PTPRQ: variants seen among roughly 807,000 people sequenced by gnomAD.
The protein encoded by PTPRQ is protein tyrosine phosphatase receptor type Q.
In PTPRQ, 199 loss-of-function variants were observed where a neutral mutation model predicts 246.0. The observed-to-expected ratio is 0.81, with a 90% CI of 0.72 to 0.91. The LOEUF (loss-of-function observed/expected upper bound fraction) is 0.91. PTPRQ is among the 40% of genes least tolerant of loss of function. PTPRQ has a pLI of 0.00. For missense variants in PTPRQ, 2,624 were observed against 2,528.4 expected (o/e 1.04, Z -0.81); for synonymous variants, 869 against 853.2 (o/e 1.02, Z -0.32).
chr12:80,456,857 T>C (rs1892998539), intron 3 of PTPRQ, among the ~76,000 whole-genome samples: 1 of 152,156 alleles, frequency 6.6e-6, no homozygotes, highest in African/African-American at 2.4e-5. Context: ...ATAACATAGA[T>C]ACATTATTAT....
At chr12:80,549,414 C>G (rs1896401552) in intron 24 of PTPRQ, 51 bp from the exon 25 acceptor site, 2 of 1,459,534 alleles carry the variant, frequency 1.4e-6, no homozygotes, top group Non-Finnish European at 1.8e-6. Context: ...AATCAATTAT[C>G]TACTTACATA....
chr12:80,672,308 CATGTAT>C (rs1900994752), intron 42 of PTPRQ, among the ~76,000 whole-genome samples: 1 of 150,636 alleles, frequency 6.6e-6, no homozygotes, highest in Non-Finnish European at 1.5e-5. Context: ...GGCTGTGTGG[CATGTAT>C]ATATATATAC....
intron 8 of PTPRQ, among the ~76,000 whole-genome samples, chr12:80,478,859 A>G (rs1482180643): frequency 1.6e-4 from 24 of 152,220 alleles, no homozygotes; most frequent in Admixed American, 1.1e-3. Context: ...AAAGCCTCCA[A>G]GAAATATGGG....
At position 80,541,777 on chromosome 12, in the gene PTPRQ, C is replaced by T; in HGVS notation, c.3377C>T (p.Thr1126Ile). Residue 1126 changes from threonine (T) to isoleucine (I), a missense_variant, in exon 21 of 45, where the codon ACT becomes ATT. Transcript: ENST00000644991. ...EKYTDYILKITPSTEKGFSDT... is the reference protein window; with the variant it reads ...EKYTDYILKIIPSTEKGFSDT... ...TACACTGATTATATATTAAAAATTA[C>T]TCCATCAACAGAAAAGGGATTCTCT... is the stretch of plus-strand genomic sequence containing the variant. 1.9e-6 allele frequency: 3 copies of T among 1,550,960 alleles called. No individual in the cohort carries two copies. The highest frequency in any genetic ancestry group is 2.6e-6 in the Non-Finnish European group (3 of 1,146,550).
In PTPRQ at chr12:80,484,563, A is replaced by G. The variant is rs1316419462; in HGVS notation, c.1317A>G (p.Thr439=). 6.5e-7 allele frequency: 1 copy of G among 1,550,174 alleles called. No individual in the cohort carries two copies. Among genetic ancestry groups the G allele is most frequent in the Non-Finnish European group, 8.7e-7 (1 of 1,146,640 alleles). The change falls in exon 9 of 45, where the codon ACA becomes ACG. Residue 439 remains threonine (T), a synonymous_variant. Transcript: ENST00000644991. ...GAGTGAAAGTGCTAGTTCCAGAGAC[A>G]GGAATAATTTTGGAAAATACTTTGC... is the stretch of plus-strand genomic sequence containing the variant. ...QYRVKVLVPE[T]GIILENTLLT... is the part of the protein sequence containing the mutation.
intron 25 of PTPRQ, among the ~76,000 whole-genome samples, chr12:80,570,426 GTTGT>G (rs200406659): frequency 0.048 from 7,295 of 152,124 alleles, 275 homozygotes; most frequent in East Asian, 0.14. Flanking sequence ...TTTTGATGGG[GTTGT>G]TTGTTTTTTT....
At position 80,484,171 on chromosome 12, in the gene PTPRQ, T is replaced by A. The variant is rs7311165; in HGVS notation, c.1187-262T>A. Among the ~76,000 whole-genome samples the A allele has an allele frequency of 0.065, 9,892 of 151,524 alleles. 852 individuals are homozygous for A. Among genetic ancestry groups the A allele is most frequent in the African/African-American group, 0.19 (7,809 of 41,352 alleles). On this transcript the variant is annotated intron_variant, in intron 8 of 44. Transcript: ENST00000644991. ...CAGGCACGCACCACCATGCCTGGCT[T>A]ATTTTTGTATTTTTTAGTAGAGATG...
chr12:80,539,944 A>T lies in PTPRQ; in HGVS notation c.3154A>T (p.Ile1052Leu). Residue 1052 changes from isoleucine to leucine, a missense_variant and splice_region_variant, in exon 20 of 45, where the codon ATA becomes TTA. By Grantham distance (5) the Ile-to-Leu change is conservative. Transcript: ENST00000644991. ...CATTGAAGTATACACAGATCAAGAC[A>T]GTATGTAAACAAAAAACACTAATCT... Reference protein sequence around the residue: ...DIIEVYTDQDIPEGFVGNLTY... With the variant: ...DIIEVYTDQDLPEGFVGNLTY... 6.7e-7 allele frequency: 1 copy of T among 1,489,660 alleles called. No homozygotes were observed. Among genetic ancestry groups the T allele is most frequent in the Non-Finnish European group, 8.9e-7 (1 of 1,120,412 alleles). 92.3% of individuals were successfully genotyped at this position (1,489,660 alleles called of 1,614,324 possible).
At chr12:80,559,757 A>T (rs974804233) in intron 25 of PTPRQ, among the ~76,000 whole-genome samples, 3 of 152,130 alleles carry the variant, frequency 2.0e-5, no homozygotes, top group African/African-American at 7.2e-5. Context: ...TTTCCAAATA[A>T]CCCCTAATTT....
intron 25 of PTPRQ, among the ~76,000 whole-genome samples, chr12:80,572,133 T>C (rs772984953): frequency 4.6e-5 from 7 of 152,212 alleles, no homozygotes; most frequent in African/African-American, 9.6e-5. Flanking sequence ...ATGGGGAGAA[T>C]TGACATCTCA....
chr12:80,456,096 T>C (rs1363553939), intron 3 of PTPRQ, among the ~76,000 whole-genome samples: 7 of 152,156 alleles, frequency 4.6e-5, no homozygotes, highest in Non-Finnish European at 1.0e-4. Flanking sequence ...AATATCTTCT[T>C]TGAACCTTGA....
At chr12:80,552,183 G>A (rs1307343466) in intron 25 of PTPRQ, among the ~76,000 whole-genome samples, 1 of 152,044 alleles carries the variant, frequency 6.6e-6, no homozygotes, top group Non-Finnish European at 1.5e-5. Flanking sequence ...TTGAGGACAG[G>A]CAAACAGTGT....
At chr12:80,639,936 C>T (rs938059999) in intron 35 of PTPRQ, among the ~76,000 whole-genome samples, 14 of 151,808 alleles carry the variant, frequency 9.2e-5, no homozygotes, top group African/African-American at 3.1e-4. Context: ...GATGATAGGA[C>T]AGGTTTATGT....
chr12:80,571,795 G>A (rs1897153404), intron 25 of PTPRQ, among the ~76,000 whole-genome samples: 2 of 151,650 alleles, frequency 1.3e-5, no homozygotes, highest in South Asian at 4.2e-4. Flanking sequence ...ATAAACATAG[G>A]TCATAATAAA....
intron 35 of PTPRQ, among the ~76,000 whole-genome samples, chr12:80,642,906 C>A (rs868427767): frequency 1.4e-4 from 16 of 110,674 alleles, no homozygotes; most frequent in African/African-American, 5.3e-4. Context: ...GGCGACAGAG[C>A]GAGACTCCGT....
chr12:80,533,976 TAA>T, intron 17 of PTPRQ, 37 bp from the exon 18 acceptor site: 1 of 1,391,414 alleles, frequency 7.2e-7, no homozygotes, highest in Non-Finnish European at 9.4e-7. Flanking sequence ...TGTTAACTTT[TAA>T]AATTCAATTC....
At chr12:80,622,957 C>T (rs1260452451) in intron 33 of PTPRQ, among the ~76,000 whole-genome samples, 1 of 151,854 alleles carries the variant, frequency 6.6e-6, no homozygotes, top group Non-Finnish European at 1.5e-5. Context: ...GAAATTATTT[C>T]TCTAGAATTT....
At chr12:80,647,733 A>G (rs983125039) in intron 35 of PTPRQ, among the ~76,000 whole-genome samples, 3 of 151,408 alleles carry the variant, frequency 2.0e-5, no homozygotes, top group African/African-American at 7.3e-5. Flanking sequence ...TCTTTAAATC[A>G]CTCTAGGGTA....
intron 8 of PTPRQ, 131 bp from the exon 9 acceptor site, chr12:80,484,302 T>C (rs1894195460): frequency 8.5e-7 from 1 of 1,174,928 alleles, no homozygotes; most frequent in Admixed American, 2.9e-5. Context: ...CCACCGCACC[T>C]AGCCTAGTCT....
Sources: allele counts gnomAD v4.1 joint callset (sites outside exome capture counted in the v4.1 genomes callset), GRCh38; gene constraint gnomAD v4.1.1; transcripts MANE v1.5; gene names NCBI Gene and HGNC (gene_info 2026-07-23, HGNC 2026-07-21).